Variants in CELSR2 observed in about 807,000 individuals in gnomAD.
CELSR2 encodes the protein EGF-like protein 2.
Under a neutral mutation model 251.6 loss-of-function variants are expected in CELSR2, and 81 were observed. The observed-to-expected ratio is 0.32, with a 90% confidence interval of 0.27 to 0.39. CELSR2 has a LOEUF of 0.39. CELSR2 is among the 10% of genes least tolerant of loss of function. The pLI is 1.00. For synonymous variants in CELSR2, 1,721 were observed against 1,670.5 expected (o/e 1.03, Z -0.74); for missense variants, 3,365 against 3,947.7 (o/e 0.85, Z 3.96).
Position 109,274,248 on chromosome 1 carries a change from C to A in CELSR2, c.*199C>A. ...AGGCCATCTAGTGCCAACTCCCCCC[C>A]CACCATTCCCCTCACTGCACTTTGG... On this transcript the variant is annotated 3_prime_UTR_variant, in exon 34 of 34. Coordinates refer to ENST00000271332, the MANE Select transcript of CELSR2 (RefSeq NM_001408.3). 3 of 1,337,278 alleles carry A rather than the reference C, an allele frequency of 2.2e-6. No homozygotes were observed. Among genetic ancestry groups the A allele is most frequent in the South Asian group, 1.5e-5 (1 of 66,456 alleles). 82.8% of individuals were successfully genotyped at this position (1,337,278 alleles called of 1,614,324 possible).
chr1:109,264,241 G>C lies in CELSR2; in HGVS notation c.5165G>C (p.Gly1722Ala), dbSNP rs1275314197. 1.2e-6 allele frequency: 2 copies of C among 1,613,960 alleles called. No homozygotes were observed. The highest frequency in any genetic ancestry group is 4.5e-5 in the East Asian group (2 of 44,888). ...PGHAILSFDY[G>A]QQRAEGNLGP... Reference sequence around the variant, plus strand: ...CATGCCATTCTGTCCTTCGATTATGGGCAGCAGAGAGCAGAGGGCAACCTG... The same window carrying C: ...CATGCCATTCTGTCCTTCGATTATGCGCAGCAGAGAGCAGAGGGCAACCTG... The change falls in exon 10 of 34, where the codon GGG becomes GCG. Residue 1722 changes from glycine (G) to alanine (A), a missense_variant. Transcript: ENST00000271332.
In CELSR2 at chr1:109,266,559, A is replaced by ATTTT. The variant is rs35994599; in HGVS notation, c.6013+375_6013+378dup. The ATTTT allele has an allele frequency of 4.7e-3, 394 of 83,694 alleles. 17 individuals carry two copies. Among genetic ancestry groups the ATTTT allele is most frequent in the African/African-American group, 0.02 (358 of 17,816 alleles). The allele number at this position is 83,694 out of a possible 1,614,324, so 5.2% of individuals were successfully genotyped here. ...CTCTGGCCGCCACCACACCTGGCTA[A>ATTTT]TTTTTTTTTTTTTTTTTTTTTTTTT... is the stretch of plus-strand genomic sequence containing the variant. On this transcript the variant is annotated intron_variant, in intron 15 of 33. Coordinates refer to ENST00000271332, the MANE Select transcript of CELSR2 (RefSeq NM_001408.3).
chr1:109,271,499 G>A lies in CELSR2; in HGVS notation c.7790G>A (p.Cys2597Tyr). 1.2e-6 allele frequency: 2 copies of A among 1,614,168 alleles called. No homozygotes were observed. The highest frequency in any genetic ancestry group is 8.5e-7 in the Non-Finnish European group (1 of 1,180,032). Reference protein sequence around the residue: ...TLLFHYLFATCNCIQGPFIFL... With the variant: ...TLLFHYLFATYNCIQGPFIFL... ...CTCTTCCACTACCTCTTTGCTACCT[G>A]CAATTGCATCCAGGTACCTGGCCCA... is the stretch of plus-strand genomic sequence containing the variant. Residue 2597 changes from cysteine to tyrosine, a missense_variant, in exon 27 of 34, where the codon TGC becomes TAC. Around this residue, in one of 5 missense-constraint regions of CELSR2, gnomAD observed 2,093 missense variants for 2,382.8 expected, o/e 0.88. Transcript: ENST00000271332.
chr1:109,262,973 T>C lies in CELSR2; in HGVS notation c.4708+4T>C. The C allele has an allele frequency of 6.2e-7, 1 of 1,611,204 alleles. No homozygotes were observed. Among genetic ancestry groups the C allele is most frequent in the Admixed American group, 1.7e-5 (1 of 59,966 alleles). ...GCCAACAATGGCACCGTGCCTGGTA[T>C]GGGGGCCCGGGGTGGAGCCAGGCTG... On this transcript the variant is annotated splice_donor_region_variant and intron_variant, in intron 7 of 33. Transcript: ENST00000271332.
rs747680210 is a variant in CELSR2, at chr1:109,273,268, A to C, written c.8441A>C (p.Asn2814Thr). The change falls in exon 32 of 34, where the codon AAT becomes ACT. Residue 2814 changes from asparagine to threonine, a missense_variant. Asn to Thr is a moderately conservative substitution (Grantham distance 65). This residue lies in a region of CELSR2 where 2,093 missense variants were observed against 2,382.8 expected (regional missense o/e 0.88). Transcript: ENST00000271332. Reference sequence around the variant, plus strand: ...GCCCCTGAGGAGCGGCTGCGGGAGAATGGAGATGCCCTGTCTCGAGAGGGG... The same window carrying C: ...GCCCCTGAGGAGCGGCTGCGGGAGACTGGAGATGCCCTGTCTCGAGAGGGG... ...NGAPEERLRE[N>T]GDALSREGSL... is the part of the protein sequence containing the mutation. The C allele has an allele frequency of 1.9e-6, 3 of 1,610,558 alleles. No individual in the cohort carries two copies. Among genetic ancestry groups the C allele is most frequent in the Non-Finnish European group, 2.5e-6 (3 of 1,178,364 alleles).
chr1:109,259,077 C>A lies in CELSR2; in HGVS notation c.3956C>A (p.Thr1319Lys). ...GYTCLCRDGY[T>K]GEHCEVSARS... ...ACCTGCCTCTGTCGTGATGGCTACA[C>A]GGGTGAGCCAAGGGAGGGGACTCAT... Residue 1319 changes from threonine to lysine, a missense_variant and splice_region_variant, in exon 2 of 34, where the codon ACG (threonine) becomes AAG (lysine). By Grantham distance (78) the Thr-to-Lys change is moderately conservative. This residue lies in a region of CELSR2 where 2,093 missense variants were observed against 2,382.8 expected (regional missense o/e 0.88). Transcript: ENST00000271332. The A allele has an allele frequency of 6.3e-7, 1 of 1,574,914 alleles. No individual in the cohort carries two copies. The highest frequency in any genetic ancestry group is 1.3e-5 in the African/African-American group (1 of 74,552).
In CELSR2 at chr1:109,261,832, C is replaced by A; in HGVS notation, c.4322C>A (p.Pro1441Gln). The change falls in exon 5 of 34, where the codon CCA becomes CAA. Residue 1441 changes from proline (P) to glutamine (Q), a missense_variant. Pro to Gln is a moderately conservative substitution (Grantham distance 76). Around this residue, in one of 5 missense-constraint regions of CELSR2, gnomAD observed 2,093 missense variants for 2,382.8 expected, o/e 0.88. Coordinates refer to ENST00000271332, the MANE Select transcript of CELSR2 (RefSeq NM_001408.3). The surrounding 1 kb of genome is among the most constrained non-coding windows in gnomAD (Gnocchi z 4.8). ...SAGESTTTVSPFVPGGVSDGQ... is the reference protein window; with the variant it reads ...SAGESTTTVSQFVPGGVSDGQ... ...GGGGAGTCAACCACCACGGTGTCCC[C>A]ATTCGTGCCCGGAGGAGTCAGTGAT... 1 of 1,595,014 alleles carries A rather than the reference C, an allele frequency of 6.3e-7. No homozygotes were observed. Among genetic ancestry groups the A allele is most frequent in the South Asian group, 1.1e-5 (1 of 88,556 alleles).
intron 28 of CELSR2, 109 bp from the exon 29 acceptor site, chr1:109,272,169 G>C (rs1302606214): frequency 7.2e-7 from 1 of 1,381,392 alleles, no homozygotes; most frequent in Non-Finnish European, 9.8e-7. Flanking sequence ...TTTCAGACCT[G>C]AGCATGTGGA....
At chr1:109,255,817 G>A (rs1413060156) in intron 1 of CELSR2, among the ~76,000 whole-genome samples, 6 of 152,228 alleles carry the variant, frequency 3.9e-5, no homozygotes, top group Non-Finnish European at 2.9e-5. Context: ...AAAGGAGAGA[G>A]CAGTGGGTTG....
intron 18 of CELSR2, 46 bp downstream of exon 18, chr1:109,268,810 C>T (rs754897316): frequency 1.9e-6 from 3 of 1,582,152 alleles, no homozygotes; most frequent in South Asian, 2.3e-5. Flanking sequence ...GAGGGAGTCC[C>T]CGACAAGAGC....
rs200193091 is a variant in CELSR2 at position 109,251,827 on chromosome 1, G to A, written c.1748G>A (p.Arg583Gln). ...TTCTACAGCTTTGGGGTAGAAGCTC[G>A]AGACCATGGCACTCCAGCACTCACT... The part of the protein sequence containing the change: ...VDFYSFGVEA[R>Q]DHGTPALTAS... The change falls in exon 1 of 34, where the codon CGA (arginine) becomes CAA (glutamine). Residue 583 changes from arginine (R) to glutamine (Q), a missense_variant. Arg to Gln is a conservative substitution (Grantham distance 43). Transcript: ENST00000271332. This position sits in a 1 kb window ranked among gnomAD's most constrained non-coding sequence, Gnocchi z 4.9. 1.2e-5 allele frequency: 20 copies of A among 1,613,938 alleles called. No homozygotes were observed. In the African/African-American group the frequency reaches 1.7e-4, roughly 14 times the overall value.
At position 109,266,790 on chromosome 1, in the gene CELSR2, G is replaced by T. The variant is rs542073842; in HGVS notation, c.6013+584G>T. ...GCTACAATGCAGTGGCATGATCTCGGCTCTCTGCAACCTCCACCTCACAGG... is the reference window on the plus strand; with the variant it reads ...GCTACAATGCAGTGGCATGATCTCGTCTCTCTGCAACCTCCACCTCACAGG... On this transcript the variant is annotated intron_variant, in intron 15 of 33. Transcript: ENST00000271332. 3.2e-4 allele frequency among the ~76,000 whole-genome samples: 48 copies of T among 150,068 alleles called. 1 individual carries two copies. Among genetic ancestry groups the T allele is most frequent in the African/African-American group, 1.1e-3 (46 of 40,748 alleles).
At chr1:109,255,261 C>T (rs1009974659) in intron 1 of CELSR2, among the ~76,000 whole-genome samples, 11 of 152,230 alleles carry the variant, frequency 7.2e-5, no homozygotes, top group Non-Finnish European at 1.3e-4. Flanking sequence ...CTTTCTTTCC[C>T]GCCCCTGCCC....
At position 109,250,799 on chromosome 1, in the gene CELSR2, A is replaced by G; in HGVS notation, c.720A>G (p.Ala240=). Residue 240 remains alanine, a synonymous_variant, in exon 1 of 34, where the codon GCA becomes GCG. Coordinates refer to ENST00000271332, the MANE Select transcript of CELSR2 (RefSeq NM_001408.3). This position sits in a 1 kb window ranked among gnomAD's most constrained non-coding sequence, Gnocchi z 4.4. The part of the protein sequence containing the change: ...QFFSLDPVTG[A]VTTAEELDRE... ...TCTCCCTGGACCCAGTCACTGGTGC[A>G]GTAACCACAGCCGAGGAGCTGGATC... The G allele has an allele frequency of 6.2e-7, 1 of 1,614,096 alleles. No individual in the cohort carries two copies. Among genetic ancestry groups the G allele is most frequent in the East Asian group, 2.2e-5 (1 of 44,882 alleles).
chr1:109,260,775 C>T (rs1032967457), intron 2 of CELSR2, among the ~76,000 whole-genome samples: 3 of 152,168 alleles, frequency 2.0e-5, no homozygotes, highest in Non-Finnish European at 4.4e-5. Context: ...AGGGAAGGTG[C>T]TGGGGACTCC....
In CELSR2 at chr1:109,263,786, T is replaced by C. The variant is rs768187858; in HGVS notation, c.5001+9T>C. ...GCACCATCACCCTACAGGTGATGCATGGAAGGGCGGCTGGCCCTGGCCTGG... is the reference window on the plus strand; with the variant it reads ...GCACCATCACCCTACAGGTGATGCACGGAAGGGCGGCTGGCCCTGGCCTGG... On this transcript the variant is annotated intron_variant, in intron 9 of 33. Coordinates refer to ENST00000271332, the MANE Select transcript of CELSR2 (RefSeq NM_001408.3). 5.6e-6 allele frequency: 9 copies of C among 1,611,086 alleles called. No homozygotes were observed. In the East Asian group the frequency reaches 1.3e-4, roughly 24 times the overall value.
In CELSR2 at chr1:109,262,154, C is replaced by T. The variant is rs1656036878; in HGVS notation, c.4387-133C>T. Reference sequence around the variant, plus strand: ...TACATGCATAAACCACGTGAGCACACGTGTGTGTATATGCATGTGTGTACG... The same window carrying T: ...TACATGCATAAACCACGTGAGCACATGTGTGTGTATATGCATGTGTGTACG... On this transcript the variant is annotated intron_variant, in intron 5 of 33. Transcript: ENST00000271332. 9 of 1,290,010 alleles carry T rather than the reference C, an allele frequency of 7.0e-6. No individual in the cohort carries two copies. The East Asian group carries it at 9.9e-5, about 14-fold the overall frequency. 79.9% of individuals were successfully genotyped at this position (1,290,010 alleles called of 1,614,324 possible). A position where few individuals can be genotyped will look rare whatever the true frequency, so the allele number is the denominator to read the frequency against.
chr1:109,273,407 G>A (rs769048981), intron 32 of CELSR2, 29 bp from the exon 33 acceptor site: 17 of 1,606,062 alleles, frequency 1.1e-5, no homozygotes, highest in South Asian at 5.5e-5. Flanking sequence ...TCCTGTGGCC[G>A]CACCTCACAG....
At chr1:109,270,674 C>T (rs567268011) in intron 24 of CELSR2, 74 bp downstream of exon 24, 10 of 1,538,676 alleles carry the variant, frequency 6.5e-6, no homozygotes, top group South Asian at 2.4e-5. Context: ...TCTCCACCCA[C>T]ATACAGGCCC....
Sources: allele counts gnomAD v4.1 joint callset (sites outside exome capture counted in the v4.1 genomes callset), GRCh38; gene constraint gnomAD v4.1.1; regional missense constraint gnomAD v4.1.1; non-coding constraint Gnocchi (gnomAD v3.1); transcripts MANE v1.5; gene names NCBI Gene and HGNC (gene_info 2026-07-23, HGNC 2026-07-21).